LDB2: variants seen among roughly 807,000 people sequenced by gnomAD.
LDB2 encodes LIM domain binding 2, also known as LIM domain-binding protein 2.
In LDB2, 12 loss-of-function variants were observed where a neutral mutation model predicts 44.3. The observed-to-expected ratio is 0.27, with a 90% CI of 0.17 to 0.44. The LOEUF is 0.44. LDB2 is among the 20% of genes least tolerant of loss of function. The probability of loss-of-function intolerance (pLI) is 1.00; values close to 1 mark genes in which losing one functional copy is unlikely to be tolerated. For missense variants in LDB2, 344 were observed against 473.5 expected (o/e 0.73, Z 2.54); for synonymous variants, 164 against 174.8 (o/e 0.94, Z 0.49).
At position 16,739,618 on chromosome 4, in the gene LDB2, ACATGTGTGTGTATATATG is replaced by A. The variant is rs1561054676; in HGVS notation, c.235+19522_235+19539del. On this transcript the variant is annotated intron_variant, in intron 2 of 7. Transcript: ENST00000304523. ...TATATATATATATATATGTATATAT[ACATGTGTGTGTATATATG>A]TATATATACATATGTGTGTATATAT... is the stretch of plus-strand genomic sequence containing the variant. 1.2e-3 allele frequency among the ~76,000 whole-genome samples: 92 copies of A among 74,146 alleles called. 20 individuals carry two copies. The highest frequency in any genetic ancestry group is 1.4e-3 in the Non-Finnish European group (56 of 38,802). The allele number at this position is 74,146 out of a possible 152,430, so 48.6% of individuals were successfully genotyped here. A position where few individuals can be genotyped will look rare whatever the true frequency, so the allele number is the denominator to read the frequency against.
chr4:16,569,737 A>G (rs550952120), intron 5 of LDB2, among the ~76,000 whole-genome samples: 5 of 152,146 alleles, frequency 3.3e-5, no homozygotes, highest in African/African-American at 1.2e-4. Flanking sequence ...CATGGTATTT[A>G]TTATTTTATA....
chr4:16,896,279 G>T (rs1561568830), intron 1 of LDB2, among the ~76,000 whole-genome samples: 1 of 152,134 alleles, frequency 6.6e-6, no homozygotes, highest in African/African-American at 2.4e-5. Context: ...TAATCCAAAA[G>T]TTAGGAATTC....
At chr4:16,834,143 G>A (rs986836372) in intron 1 of LDB2, among the ~76,000 whole-genome samples, 2 of 152,098 alleles carry the variant, frequency 1.3e-5, no homozygotes, top group African/African-American at 4.8e-5. Flanking sequence ...CTAATGTTCT[G>A]CCTCCTCTAC....
chr4:16,668,600 A>C (rs6854015), intron 2 of LDB2, among the ~76,000 whole-genome samples: 149,674 of 152,292 alleles, frequency 0.98, 73,601 homozygotes, highest in Middle Eastern at 1. Flanking sequence ...AAATAAGAAG[A>C]ATAAAAGCTA....
At chr4:16,571,046 A>G (rs1746352580) in intron 5 of LDB2, among the ~76,000 whole-genome samples, 1 of 152,184 alleles carries the variant, frequency 6.6e-6, no homozygotes, top group African/African-American at 2.4e-5. Context: ...TTGGAAAAGC[A>G]AAAATCAGGC....
chr4:16,674,775 A>T (rs965334754), intron 2 of LDB2, among the ~76,000 whole-genome samples: 12 of 148,252 alleles, frequency 8.1e-5, no homozygotes, highest in African/African-American at 2.8e-4. Context: ...AAGAAAGAAA[A>T]ATCTACCGAA....
At chr4:16,681,832 A>G (rs746607475) in intron 2 of LDB2, among the ~76,000 whole-genome samples, 1 of 151,752 alleles carries the variant, frequency 6.6e-6, no homozygotes, top group Non-Finnish European at 1.5e-5. Context: ...TGGCCTCCCA[A>G]AGTGCTGGGA....
intron 5 of LDB2, among the ~76,000 whole-genome samples, chr4:16,526,192 C>T (rs540599064): frequency 1.9e-4 from 29 of 152,266 alleles, no homozygotes; most frequent in Non-Finnish European, 3.1e-4. Context: ...ACCACACAAT[C>T]AGCTGGGGGC....
intron 2 of LDB2, among the ~76,000 whole-genome samples, chr4:16,646,513 A>C (rs550695635): frequency 2.1e-4 from 32 of 152,314 alleles, no homozygotes; most frequent in Middle Eastern, 6.8e-3. Context: ...AAGGAATGTT[A>C]CTGGTTCAAC....
chr4:16,849,276 C>T (rs1485222753), intron 1 of LDB2, among the ~76,000 whole-genome samples: 1 of 152,114 alleles, frequency 6.6e-6, no homozygotes, highest in African/African-American at 2.4e-5. Context: ...CTTCTGTGAC[C>T]ACCCCAACTA....
At chr4:16,620,178 C>T (rs905501208) in intron 2 of LDB2, among the ~76,000 whole-genome samples, 2 of 152,160 alleles carry the variant, frequency 1.3e-5, no homozygotes, top group African/African-American at 4.8e-5. Flanking sequence ...ATGTCCAAAA[C>T]AGTGCCTGGC....
intron 2 of LDB2, among the ~76,000 whole-genome samples, chr4:16,618,429 A>G (rs1727960865): frequency 6.6e-6 from 1 of 152,222 alleles, no homozygotes. Flanking sequence ...CAGGGCACCC[A>G]GCACCTAATA....
At chr4:16,797,504 T>C (rs1439579431) in intron 1 of LDB2, among the ~76,000 whole-genome samples, 1 of 152,104 alleles carries the variant, frequency 6.6e-6, no homozygotes. Context: ...ATAAATGATG[T>C]CTTTACTATC....
chr4:16,509,536 A>G (rs570378616), intron 6 of LDB2, among the ~76,000 whole-genome samples: 1 of 152,154 alleles, frequency 6.6e-6, no homozygotes, highest in Non-Finnish European at 1.5e-5. Flanking sequence ...TTGTTTGTTT[A>G]CTTATAAGGT....
intron 5 of LDB2, among the ~76,000 whole-genome samples, chr4:16,547,772 T>G (rs920473729): frequency 1.3e-5 from 2 of 152,170 alleles, no homozygotes; most frequent in Non-Finnish European, 2.9e-5. Flanking sequence ...AACTTATTAT[T>G]TGAACTTGGG....
chr4:16,806,901 T>C (rs1213642769), intron 1 of LDB2, among the ~76,000 whole-genome samples: 1 of 152,194 alleles, frequency 6.6e-6, no homozygotes, highest in Non-Finnish European at 1.5e-5. Context: ...GCCTATCTCA[T>C]AGCATTGTTT....
At chr4:16,536,944 T>C (rs1364694636) in intron 5 of LDB2, among the ~76,000 whole-genome samples, 1 of 152,242 alleles carries the variant, frequency 6.6e-6, no homozygotes, top group East Asian at 1.9e-4. Context: ...AATGAAGTGC[T>C]GGGCCCACTC....
intron 4 of LDB2, among the ~76,000 whole-genome samples, chr4:16,586,525 CAAA>C (rs796979905): frequency 0.15 from 12,248 of 82,646 alleles, 574 homozygotes; most frequent in Non-Finnish European, 0.18. Flanking sequence ...CACACACACA[CAAA>C]ACACACACAC....
chr4:16,645,355 T>G (rs977568412), intron 2 of LDB2, among the ~76,000 whole-genome samples: 1 of 151,430 alleles, frequency 6.6e-6, no homozygotes, highest in Non-Finnish European at 1.5e-5. Flanking sequence ...GCTAACAAGG[T>G]GAAACCCCGT....
Sources: allele counts gnomAD v4.1 joint callset (sites outside exome capture counted in the v4.1 genomes callset), GRCh38; gene constraint gnomAD v4.1.1; transcripts MANE v1.5; gene names NCBI Gene and HGNC (gene_info 2026-07-23, HGNC 2026-07-21).